The following MYO16 variants were observed in gnomAD, a reference collection of about 807,000 sequenced individuals.
The protein encoded by MYO16 is unconventional myosin-XVI.
A neutral mutation model predicts 205.3 loss-of-function variants in MYO16; 94 were observed. That is an observed-to-expected ratio of 0.46 (90% CI 0.39 to 0.54). MYO16 has a LOEUF of 0.54. Ranked by LOEUF, MYO16 falls within the 20% of genes least tolerant of loss-of-function variation. MYO16 has a pLI of 0.00. For missense variants in MYO16, 2,315 were observed against 2,387.5 expected, an observed-to-expected ratio of 0.97 and a Z score of 0.63; for synonymous variants, 988 against 954.0, an observed-to-expected ratio of 1.04 and a Z score of -0.66.
At position 109,192,754 on chromosome 13, in the gene MYO16, C is replaced by T. The variant is rs1483770010; in HGVS notation, c.5415+13121C>T. On this transcript the variant is annotated intron_variant, in intron 34 of 34. Transcript: ENST00000457511. ...CAAGACTCAGGTTTACTTATGGTGACATGAAAGGTCATCCACTCATCAGAT... is the reference window on the plus strand; with the variant it reads ...CAAGACTCAGGTTTACTTATGGTGATATGAAAGGTCATCCACTCATCAGAT... Among the ~76,000 whole-genome samples the T allele has an allele frequency of 2.6e-5, 4 of 152,170 alleles. No individual in the cohort carries two copies. The East Asian group carries it at 7.7e-4, about 29-fold the overall frequency.
At chr13:109,034,045 G>A (rs1024277822) in intron 23 of MYO16, among the ~76,000 whole-genome samples, 3 of 152,246 alleles carry the variant, frequency 2.0e-5, no homozygotes, top group Admixed American at 1.3e-4. Context: ...AGATTCATTC[G>A]AGAGCAAATG....
the MYO16 span, among the ~76,000 whole-genome samples, chr13:108,532,375 T>C: frequency 6.6e-6 from 1 of 151,730 alleles, no homozygotes; most frequent in African/African-American, 2.4e-5. Flanking sequence ...TCAAAGGAGC[T>C]GTTTGAACAG....
intron 4 of MYO16, among the ~76,000 whole-genome samples, chr13:108,734,831 A>G (rs1884637280): frequency 6.6e-6 from 1 of 152,198 alleles, no homozygotes; most frequent in Admixed American, 6.5e-5. Context: ...CTTGCTCTTC[A>G]CTTCATTTTC....
At chr13:108,566,757 GGA>G in the MYO16 span, among the ~76,000 whole-genome samples, 1 of 147,096 alleles carries the variant, frequency 6.8e-6, no homozygotes, top group Non-Finnish European at 1.5e-5. Flanking sequence ...AAGGAAGGAA[GGA>G]AGGAAGGAAG....
At chr13:108,575,350 T>G in the MYO16 span, among the ~76,000 whole-genome samples, 9 of 152,176 alleles carry the variant, frequency 5.9e-5, no homozygotes, top group South Asian at 1.9e-3. Context: ...ATACATCCTT[T>G]GCCTGCACAC....
chr13:108,578,676 T>C, the MYO16 span, among the ~76,000 whole-genome samples: 1 of 152,192 alleles, frequency 6.6e-6, no homozygotes, highest in Admixed American at 6.5e-5. Flanking sequence ...GGCATCCTGG[T>C]GCCCATACAT....
chr13:109,207,017 TGTGTGG>T lies in MYO16; in HGVS notation c.*184_*189del. 1.8e-6 allele frequency: 1 copy of T among 564,970 alleles called. No individual in the cohort carries two copies. Among genetic ancestry groups the T allele is most frequent in the Non-Finnish European group, 3.1e-6 (1 of 318,800 alleles). The allele number at this position is 564,970 out of a possible 1,614,324, so 35.0% of individuals were successfully genotyped here. A position where few individuals can be genotyped will look rare whatever the true frequency, so the allele number is the denominator to read the frequency against. On this transcript the variant is annotated 3_prime_UTR_variant, in exon 35 of 35. Coordinates refer to ENST00000457511, the MANE Select transcript of MYO16 (RefSeq NM_001198950.3). ...GTGTGTGTGTGTGTTTGTGTGTGTGTGTGTGGGTTCTTTCTTATCCATCTCGTGGTG... is the reference window on the plus strand; with the variant it reads ...GTGTGTGTGTGTGTTTGTGTGTGTGTGTTCTTTCTTATCCATCTCGTGGTG...
chr13:109,049,296 T>G (rs771278162), intron 24 of MYO16, among the ~76,000 whole-genome samples: 24 of 152,028 alleles, frequency 1.6e-4, no homozygotes, highest in Non-Finnish European at 1.0e-4. Flanking sequence ...TCACCAGGAG[T>G]TCCTTTGCTC....
At chr13:108,721,638 A>T (rs993723520) in intron 3 of MYO16, among the ~76,000 whole-genome samples, 8 of 152,244 alleles carry the variant, frequency 5.3e-5, no homozygotes, top group Non-Finnish European at 1.0e-4. Flanking sequence ...GAGGTAGTAC[A>T]TAAGGATTGG....
At chr13:108,655,466 C>T (rs568372273) in intron 1 of MYO16, among the ~76,000 whole-genome samples, 49 of 152,294 alleles carry the variant, frequency 3.2e-4, no homozygotes, top group Middle Eastern at 3.4e-3. Context: ...CAAAAGTCTG[C>T]GGCAGCGGCG....
chr13:108,809,555 G>A (rs967623679), intron 7 of MYO16, among the ~76,000 whole-genome samples: 2 of 152,108 alleles, frequency 1.3e-5, no homozygotes, highest in African/African-American at 4.8e-5. Context: ...GAGAGTTGGG[G>A]GATGTATGCT....
chr13:108,629,397 A>C (rs1879870760), upstream of MYO16: 1 of 155,390 alleles, frequency 6.4e-6, no homozygotes, highest in African/African-American at 2.4e-5. Flanking sequence ...GGATCCTTCT[A>C]TCCGTGGCTT....
intron 1 of MYO16, among the ~76,000 whole-genome samples, chr13:108,661,311 T>A (rs1881491388): frequency 6.6e-6 from 1 of 152,170 alleles, no homozygotes; most frequent in South Asian, 2.1e-4. Flanking sequence ...GTGCTTCTTC[T>A]ATTTAGATGT....
intron 2 of MYO16, among the ~76,000 whole-genome samples, chr13:108,691,059 A>G (rs1039683623): frequency 1.3e-5 from 2 of 152,328 alleles, no homozygotes; most frequent in South Asian, 2.1e-4. Context: ...CAAGAGATTA[A>G]CAAATTATTA....
chr13:108,630,278 C>T (rs1292939402), intron 1 of MYO16, among the ~76,000 whole-genome samples: 3 of 152,106 alleles, frequency 2.0e-5, no homozygotes, highest in Non-Finnish European at 4.4e-5. Flanking sequence ...GTATTTTAGT[C>T]TCAAGTTTTA....
At chr13:108,711,402 A>T (rs1356325285) in intron 2 of MYO16, among the ~76,000 whole-genome samples, 1 of 152,244 alleles carries the variant, frequency 6.6e-6, no homozygotes, top group East Asian at 1.9e-4. Context: ...CAATGAGTAG[A>T]TGTGAACATG....
intron 1 of MYO16, among the ~76,000 whole-genome samples, chr13:108,634,135 G>T (rs183134723): frequency 6.6e-6 from 1 of 152,206 alleles, no homozygotes; most frequent in East Asian, 1.9e-4. Context: ...ATCTCACCCA[G>T]GCAGGCAGCA....
intron 2 of MYO16, among the ~76,000 whole-genome samples, chr13:108,700,332 C>CAAA (rs1183646145): frequency 4.1e-5 from 4 of 96,426 alleles, no homozygotes; most frequent in African/African-American, 8.5e-5. Flanking sequence ...AACTCTGTCT[C>CAAA]AAAAAAAAAA....
intron 2 of MYO16, among the ~76,000 whole-genome samples, chr13:108,678,950 C>T (rs1305738945): frequency 6.6e-6 from 1 of 152,130 alleles, no homozygotes; most frequent in Non-Finnish European, 1.5e-5. Context: ...TCATCAATGG[C>T]AGCTTCTTAC....
Sources: gnomAD v4.1 joint callset for allele counts (sites outside exome capture counted in the v4.1 genomes callset) on GRCh38, gnomAD v4.1.1 for gene constraint, MANE v1.5 for transcripts, NCBI Gene and HGNC (gene_info 2026-07-23, HGNC 2026-07-21) for gene names.